The following COL27A1 variants were observed in gnomAD, a reference collection of about 807,000 sequenced individuals.
COL27A1 encodes collagen alpha-1(XXVII) chain.
In COL27A1, 106 loss-of-function variants were observed where a neutral mutation model predicts 251.3. That is an observed-to-expected ratio of 0.42 (90% CI 0.36 to 0.50). COL27A1 has a LOEUF of 0.50. COL27A1 is among the 20% of genes least tolerant of loss of function. COL27A1 has a pLI of 0.00. For missense variants in COL27A1, 2,325 were observed against 2,522.8 expected (o/e 0.92, Z 1.68); for synonymous variants, 1,000 against 986.3 (o/e 1.01, Z -0.26).
At chr9:114,301,238 G>A in intron 52 of COL27A1, 46 bp from the exon 53 acceptor site, 2 of 1,610,636 alleles carry the variant, frequency 1.2e-6, no homozygotes, top group Non-Finnish European at 8.5e-7. Flanking sequence ...CTGGAAATGG[G>A]GCTTCACCTC....
intron 41 of COL27A1, among the ~76,000 whole-genome samples, chr9:114,287,844 C>T (rs1367118233): frequency 6.6e-6 from 1 of 152,192 alleles, no homozygotes; most frequent in Non-Finnish European, 1.5e-5. Flanking sequence ...AGGGTGAAAA[C>T]TCTGAGCAGG....
chr9:114,177,568 C>CA (rs1387688100), intron 3 of COL27A1, among the ~76,000 whole-genome samples: 1 of 152,172 alleles, frequency 6.6e-6, no homozygotes, highest in Non-Finnish European at 1.5e-5. Context: ...AGTTACATAC[C>CA]AGGCACCGTG....
chr9:114,240,384 G>T, intron 20 of COL27A1, 50 bp from the exon 21 acceptor site: 4 of 1,603,732 alleles, frequency 2.5e-6, no homozygotes, highest in South Asian at 1.1e-5. Context: ...GCCTGCGATG[G>T]AGATGGAGGT....
rs36110888 is a variant in COL27A1 at position 114,160,671 on chromosome 9, C to CAA, written c.63-2034_63-2033dup. Among the ~76,000 whole-genome samples the CAA allele has an allele frequency of 1.1e-3, 127 of 111,432 alleles. 1 individual carries two copies. Among genetic ancestry groups the CAA allele is most frequent in the South Asian group, 0.011 (37 of 3,486 alleles). The allele number at this position is 111,432 out of a possible 152,430, so 73.1% of individuals were successfully genotyped here. On this transcript the variant is annotated intron_variant, in intron 1 of 60. Coordinates refer to ENST00000356083, the MANE Select transcript of COL27A1 (RefSeq NM_032888.4). ...TGGGCAACACTGTGAGACTCTGTCT[C>CAA]AAAAAAAAAAATGAAAAAAAAAAAA...
At chr9:114,173,110 A>T (rs1588581238) in intron 3 of COL27A1, among the ~76,000 whole-genome samples, 1 of 152,104 alleles carries the variant, frequency 6.6e-6, no homozygotes, top group Admixed American at 6.5e-5. Context: ...GAGCCCCAGG[A>T]GGGGGGAACA....
At chr9:114,171,454 C>T (rs1849315382) in intron 3 of COL27A1, among the ~76,000 whole-genome samples, 1 of 148,788 alleles carries the variant, frequency 6.7e-6, no homozygotes. Flanking sequence ...GGCTCAACAT[C>T]TAAAGAATCT....
At chr9:114,193,912 A>T (rs1281039716) in intron 5 of COL27A1, among the ~76,000 whole-genome samples, 9 of 152,156 alleles carry the variant, frequency 5.9e-5, no homozygotes, top group Non-Finnish European at 2.9e-5. Flanking sequence ...GCAGAGCTCT[A>T]CAAGTAGGAT....
At chr9:114,191,248 CTTT>C (rs928350833) in intron 5 of COL27A1, among the ~76,000 whole-genome samples, 6 of 151,950 alleles carry the variant, frequency 3.9e-5, no homozygotes, top group African/African-American at 1.5e-4. Context: ...ATCCCACTTT[CTTT>C]TTTTTAATTT....
At chr9:114,156,148 G>A (rs1029605449) in intron 1 of COL27A1, 136 bp downstream of exon 1, 2 of 1,239,436 alleles carry the variant, frequency 1.6e-6, no homozygotes, top group African/African-American at 1.6e-5. Context: ...CCGCGAGGCG[G>A]GACGCCAAGG....
At chr9:114,249,553 C>G (rs760441993) in intron 24 of COL27A1, among the ~76,000 whole-genome samples, 5 of 152,220 alleles carry the variant, frequency 3.3e-5, no homozygotes, top group Non-Finnish European at 7.3e-5. Context: ...CAGCAAGACA[C>G]GTGTGGCCCT....
chr9:114,284,912 G>A (rs546654002), intron 41 of COL27A1, 135 bp downstream of exon 41: 146 of 905,714 alleles, frequency 1.6e-4, no homozygotes, highest in South Asian at 1.0e-3. Context: ...TGCAGCAGCC[G>A]AGGCTGGTGT....
rs1827801001 is a variant in COL27A1 at position 114,290,123 on chromosome 9, C to A, written c.4260+12C>A. On this transcript the variant is annotated intron_variant, in intron 46 of 60. Coordinates refer to ENST00000356083, the MANE Select transcript of COL27A1 (RefSeq NM_032888.4). This position sits in a 1 kb window ranked among gnomAD's most constrained non-coding sequence, Gnocchi z 4.6. ...GGAGGGGGGTCCAGGTGAGTGACTACAGCTGCTGTTTCCAGCCAACCTCCC... is the reference window on the plus strand; with the variant it reads ...GGAGGGGGGTCCAGGTGAGTGACTAAAGCTGCTGTTTCCAGCCAACCTCCC... The A allele has an allele frequency of 6.2e-7, 1 of 1,611,412 alleles. No homozygotes were observed. The highest frequency in any genetic ancestry group is 1.3e-5 in the African/African-American group (1 of 74,840).
chr9:114,242,227 T>G lies in COL27A1; in HGVS notation c.2876T>G (p.Leu959Trp). The G allele has an allele frequency of 1.9e-6, 3 of 1,609,316 alleles. No individual in the cohort carries two copies. Among genetic ancestry groups the G allele is most frequent in the Non-Finnish European group, 2.5e-6 (3 of 1,177,954 alleles). ...GPMGPPGAPGLEGQPGRKGFP... is the reference protein window; with the variant it reads ...GPMGPPGAPGWEGQPGRKGFP... ...ATGGGGCCGCCAGGGGCCCCTGGCT[T>G]GGAGGTGAGTGTCACTGGCCTGGGG... The change falls in exon 22 of 61, where the codon TTG becomes TGG. Residue 959 changes from leucine to tryptophan, a missense_variant. Transcript: ENST00000356083.
intron 5 of COL27A1, among the ~76,000 whole-genome samples, chr9:114,183,593 G>A (rs529185796): frequency 8.5e-5 from 13 of 152,224 alleles, no homozygotes; most frequent in African/African-American, 2.9e-4. Context: ...GATGGTGGTG[G>A]GTGCAAGGTG....
Position 114,309,478 on chromosome 9 carries a change from G to A in COL27A1, c.5436G>A (p.Lys1812=). The change falls in exon 60 of 61, where the codon AAG becomes AAA. Residue 1812 remains lysine, a splice_region_variant and synonymous_variant. Transcript: ENST00000356083. ...CCGAGGTGTCCATGGATGGCTGCAA[G>A]GTAACTCTCAGAGCCCCTCCTAGGC... ...FRPEVSMDGC[K]VQDGRWHQTL... The A allele has an allele frequency of 1.2e-6, 2 of 1,613,194 alleles. No homozygotes were observed.
At chr9:114,227,237 T>C (rs1831531695) in intron 14 of COL27A1, among the ~76,000 whole-genome samples, 1 of 151,858 alleles carries the variant, frequency 6.6e-6, no homozygotes, top group Non-Finnish European at 1.5e-5. Flanking sequence ...CACAACTCAA[T>C]TTTTCTGAGT....
chr9:114,290,676 G>A lies in COL27A1; in HGVS notation c.4369-134G>A, dbSNP rs1827853760. On this transcript the variant is annotated intron_variant, in intron 47 of 60. Transcript: ENST00000356083. This position sits in a 1 kb window ranked among gnomAD's most constrained non-coding sequence, Gnocchi z 4.6. Reference sequence around the variant, plus strand: ...CCTGGTCCAGCCACATCACACACAGGCCGTCTGACCTCCATCCTGGAGTGT... The same window carrying A: ...CCTGGTCCAGCCACATCACACACAGACCGTCTGACCTCCATCCTGGAGTGT... 5 of 670,820 alleles carry A rather than the reference G, an allele frequency of 7.5e-6. No individual in the cohort carries two copies. Among genetic ancestry groups the A allele is most frequent in the South Asian group, 5.8e-5 (3 of 52,100 alleles). The allele number at this position is 670,820 out of a possible 1,614,324, so 41.6% of individuals were successfully genotyped here.
At chr9:114,270,930 T>C in intron 36 of COL27A1, 149 bp downstream of exon 36, 1 of 673,312 alleles carries the variant, frequency 1.5e-6, no homozygotes, top group Non-Finnish European at 2.6e-6. Flanking sequence ...TGGGGAAGGG[T>C]CAGCAGTGTC....
chr9:114,246,784 A>G (rs1031150366), intron 24 of COL27A1, among the ~76,000 whole-genome samples: 2 of 152,058 alleles, frequency 1.3e-5, no homozygotes, highest in African/African-American at 4.8e-5. Context: ...GATTTTTGAA[A>G]TCTTTCCAGT....
Sources: allele counts gnomAD v4.1 joint callset (sites outside exome capture counted in the v4.1 genomes callset), GRCh38; gene constraint gnomAD v4.1.1; non-coding constraint Gnocchi (gnomAD v3.1); transcripts MANE v1.5; gene names NCBI Gene and HGNC (gene_info 2026-07-23, HGNC 2026-07-21).